The following NLRP2 variants were observed in gnomAD, a reference collection of about 807,000 sequenced individuals.
The protein encoded by NLRP2 is NLR family pyrin domain containing 2.
In NLRP2, 107 loss-of-function variants were observed where a neutral mutation model predicts 97.2. That is an observed-to-expected ratio of 1.10 (90% CI 0.94 to 1.29). The LOEUF (loss-of-function observed/expected upper bound fraction) is 1.29, where lower values mean the gene tolerates loss of function less well. NLRP2 is among the 50% of genes most tolerant of loss of function. NLRP2 has a pLI of 0.00. For missense variants in NLRP2, 1,495 were observed against 1,330.3 expected (o/e 1.12, Z -1.93); for synonymous variants, 663 against 551.5 (o/e 1.20, Z -2.83).
At chr19:54,982,086 G>C in intron 5 of NLRP2, 76 bp from the exon 6 acceptor site, 1 of 1,586,982 alleles carries the variant, frequency 6.3e-7, no homozygotes, top group Non-Finnish European at 8.6e-7. Context: ...CCAACACAAG[G>C]CATTTTGTTA....
chr19:54,984,779 G>A (rs753925012), intron 6 of NLRP2, among the ~76,000 whole-genome samples: 12 of 151,566 alleles, frequency 7.9e-5, no homozygotes, highest in Non-Finnish European at 1.3e-4. Context: ...CACCGTGCCC[G>A]GTCTATATTC....
chr19:54,985,705 G>GAA (rs1289243564), intron 7 of NLRP2, among the ~76,000 whole-genome samples: 16 of 136,084 alleles, frequency 1.2e-4, no homozygotes, highest in African/African-American at 2.9e-5. Flanking sequence ...AAAAGAAAAA[G>GAA]AAAAAAAGGG....
chr19:54,971,288 G>C (rs901828956), intron 2 of NLRP2, among the ~76,000 whole-genome samples: 2 of 149,704 alleles, frequency 1.3e-5, no homozygotes, highest in East Asian at 2.0e-4. Flanking sequence ...ACATACGTGT[G>C]CATGTGTCTT....
At position 55,001,083 on chromosome 19, in the gene NLRP2, T is replaced by G; in HGVS notation, c.*185T>G. 1.7e-6 allele frequency: 1 copy of G among 585,336 alleles called. No individual in the cohort carries two copies. The allele number at this position is 585,336 out of a possible 1,614,324, so 36.3% of individuals were successfully genotyped here. On this transcript the variant is annotated 3_prime_UTR_variant, in exon 13 of 13. Transcript: ENST00000448584. The stretch of plus-strand genomic sequence containing the variant: ...CACACATCCTTATCTTTGTTACATA[T>G]GAAATATCTGTATCACGGGTATATT...
chr19:54,979,663 T>C (rs138322808), intron 4 of NLRP2, among the ~76,000 whole-genome samples: 1,771 of 152,208 alleles, frequency 0.012, 23 homozygotes, highest in South Asian at 0.021. Context: ...CATTGACTTT[T>C]GATACAGCAA....
At chr19:54,988,413 C>T (rs1321188324) in intron 8 of NLRP2, among the ~76,000 whole-genome samples, 2 of 152,074 alleles carry the variant, frequency 1.3e-5, no homozygotes, top group Non-Finnish European at 2.9e-5. Context: ...CTCCGTCAAC[C>T]TCCCAAGTAG....
intron 10 of NLRP2, among the ~76,000 whole-genome samples, chr19:54,991,922 GTA>G (rs1452994773): frequency 7.8e-6 from 1 of 127,406 alleles, no homozygotes; most frequent in Non-Finnish European, 1.7e-5. Context: ...AACATCTCTG[GTA>G]TTTTTTTTTT....
At position 54,981,618 on chromosome 19, in the gene NLRP2, G is replaced by A. The variant is rs145145515; in HGVS notation, c.399G>A (p.Ala133=). 40 of 1,517,470 alleles carry A rather than the reference G, an allele frequency of 2.6e-5. No homozygotes were observed. The highest frequency in any genetic ancestry group is 3.2e-5 in the Non-Finnish European group (36 of 1,111,080). The allele number at this position is 1,517,470 out of a possible 1,614,324, so 94.0% of individuals were successfully genotyped here. Reference sequence around the variant, plus strand: ...CTCACATGAGTTTGTATTTTGTAGCGTTTACAGAAACGAAAGGAAATGTCA... The same window carrying A: ...CTCACATGAGTTTGTATTTTGTAGCATTTACAGAAACGAAAGGAAATGTCA... ...MLERFKTEAQ[A]FTETKGNVIC... Residue 133 remains alanine (A), a splice_region_variant and synonymous_variant, in exon 5 of 13, where the codon GCG becomes GCA. Coordinates refer to ENST00000448584, the MANE Select transcript of NLRP2 (RefSeq NM_017852.5).
At chr19:54,971,679 T>C (rs2070862586) in intron 2 of NLRP2, among the ~76,000 whole-genome samples, 1 of 152,158 alleles carries the variant, frequency 6.6e-6, no homozygotes, top group South Asian at 2.1e-4. Flanking sequence ...GTTTGTTTTT[T>C]TCTTGTAAAT....
chr19:54,999,223 C>T (rs946743644), intron 12 of NLRP2, among the ~76,000 whole-genome samples: 6 of 152,190 alleles, frequency 3.9e-5, no homozygotes, highest in Admixed American at 1.3e-4. Flanking sequence ...TCTCGGCTTA[C>T]TGCAACCTCC....
At position 54,983,077 on chromosome 19, in the gene NLRP2, C is replaced by T. The variant is rs768166884; in HGVS notation, c.1379C>T (p.Ala460Val). ...CTCCTGGCCGCGCAGGGCCTGTGGG[C>T]GCAGACGTCCGTGCTTCACCGAGAG... is the stretch of plus-strand genomic sequence containing the variant. ...LSLLAAQGLW[A>V]QTSVLHREDL... Residue 460 changes from alanine to valine, a missense_variant, in exon 6 of 13, where the codon GCG becomes GTG. Ala to Val is a moderately conservative substitution (Grantham distance 64, BLOSUM62 0). Transcript: ENST00000448584. The T allele has an allele frequency of 8.7e-6, 14 of 1,612,576 alleles. No individual in the cohort carries two copies. Among genetic ancestry groups the T allele is most frequent in the South Asian group, 7.7e-5 (7 of 91,018 alleles).
rs753983866 is a variant in NLRP2, at chr19:54,970,253, C to T, written c.238C>T (p.His80Tyr). ...MASLQVFEKM[H>Y]RMDLSERAKD... ...GAGCCTCCAGGTCTTTGAAAAGATG[C>T]ACCGAATGGATCTGTCTGAGAGAGC... is the stretch of plus-strand genomic sequence containing the variant. Residue 80 changes from histidine (H) to tyrosine (Y), a missense_variant, in exon 2 of 13, where the codon CAC (histidine) becomes TAC (tyrosine). Transcript: ENST00000448584. The T allele has an allele frequency of 6.8e-6, 11 of 1,614,084 alleles. No homozygotes were observed. In the South Asian group the frequency reaches 1.1e-4, roughly 16 times the overall value.
chr19:54,977,931 A>C, intron 4 of NLRP2, 108 bp downstream of exon 4: 5 of 1,032,764 alleles, frequency 4.8e-6, no homozygotes, highest in Non-Finnish European at 5.9e-6. Flanking sequence ...CTTTTCCTCC[A>C]CTATTCTTAA....
chr19:54,982,326 G>T lies in NLRP2; in HGVS notation c.628G>T (p.Val210Leu). 6.2e-7 allele frequency: 1 copy of T among 1,614,084 alleles called. No individual in the cohort carries two copies. Among genetic ancestry groups the T allele is most frequent in the South Asian group, 1.1e-5 (1 of 91,064 alleles). The change falls in exon 6 of 13, where the codon GTG becomes TTG. Residue 210 changes from valine to leucine, a missense_variant. Coordinates refer to ENST00000448584, the MANE Select transcript of NLRP2 (RefSeq NM_017852.5). ...VLPGPFSYTV[V>L]LYGPAGLGKT... is the part of the protein sequence containing the mutation. Reference sequence around the variant, plus strand: ...TCCCGGGCCCTTCTCATACACGGTGGTGCTGTATGGTCCTGCAGGCCTTGG... The same window carrying T: ...TCCCGGGCCCTTCTCATACACGGTGTTGCTGTATGGTCCTGCAGGCCTTGG...
At chr19:54,981,510 C>CA in intron 4 of NLRP2, 107 bp from the exon 5 acceptor site, 20 of 248,184 alleles carry the variant, frequency 8.1e-5, no homozygotes, top group Non-Finnish European at 1.4e-4. Flanking sequence ...TGATCCCGTG[C>CA]CCCCCCTCCC....
chr19:54,996,939 ACT>A (rs1418030575), intron 11 of NLRP2, among the ~76,000 whole-genome samples: 3 of 151,610 alleles, frequency 2.0e-5, no homozygotes, highest in African/African-American at 7.3e-5. Flanking sequence ...CCGGAGTCTC[ACT>A]CTGTCACCCA....
chr19:54,984,334 T>G lies in NLRP2; in HGVS notation c.2030+606T>G, dbSNP rs1349690768. Among the ~76,000 whole-genome samples, 121 of 96,236 alleles carry G rather than the reference T, an allele frequency of 1.3e-3. 3 individuals are homozygous for G. The highest frequency in any genetic ancestry group is 1.8e-3 in the Non-Finnish European group (97 of 54,590). 63.1% of individuals were successfully genotyped at this position (96,236 alleles called of 152,430 possible). A position where few individuals can be genotyped will look rare whatever the true frequency, so the allele number is the denominator to read the frequency against. The stretch of plus-strand genomic sequence containing the variant: ...AAGTGGGGGTTTTTTTTTGTGTTTT[T>G]TTTTTTTTTTTTTTTTTTGGAAAGA... On this transcript the variant is annotated intron_variant, in intron 6 of 12. Coordinates refer to ENST00000448584, the MANE Select transcript of NLRP2 (RefSeq NM_017852.5).
chr19:54,985,843 C>T (rs534697191), intron 7 of NLRP2, among the ~76,000 whole-genome samples: 13 of 152,054 alleles, frequency 8.5e-5, no homozygotes, highest in African/African-American at 2.9e-4. Context: ...ACGAAAAATA[C>T]AAAAATTTGC....
chr19:54,975,066 G>C (rs1265579286), intron 3 of NLRP2, among the ~76,000 whole-genome samples: 1 of 143,388 alleles, frequency 7.0e-6, no homozygotes, highest in Non-Finnish European at 1.5e-5. Flanking sequence ...GTCCCAAAAT[G>C]CTGGGATTAT....
Sources: gnomAD v4.1 joint callset for allele counts (sites outside exome capture counted in the v4.1 genomes callset) on GRCh38, gnomAD v4.1.1 for gene constraint, MANE v1.5 for transcripts, NCBI Gene and HGNC (gene_info 2026-07-23, HGNC 2026-07-21) for gene names.